The following COL27A1 variants were observed in gnomAD, a reference collection of about 807,000 sequenced individuals.
COL27A1 encodes collagen alpha-1(XXVII) chain.
A neutral mutation model predicts 251.3 loss-of-function variants in COL27A1; 106 were observed. The ratio of observed to expected loss-of-function variants is 0.42; its 90% CI spans 0.36 to 0.50. COL27A1 has a LOEUF of 0.50. COL27A1 is among the 20% of genes least tolerant of loss of function. The pLI, the probability that COL27A1 is intolerant of heterozygous loss-of-function variation, is 0.00. For missense variants in COL27A1, 2,325 were observed against 2,522.8 expected, an observed-to-expected ratio of 0.92 and a Z score of 1.68; for synonymous variants, 1,000 against 986.3, an observed-to-expected ratio of 1.01 and a Z score of -0.26.
At position 114,283,737 on chromosome 9, in the gene COL27A1, G is replaced by A. The variant is rs1836076644; in HGVS notation, c.3908G>A (p.Gly1303Glu). ...GCTCCGGGACGCATGGGGGCCCAAG[G>A]AGAACCGGGACTGGCTGGTTATGAT... ...TGAPGRMGAQ[G>E]EPGLAGYDGH... Residue 1303 changes from glycine to glutamate, a missense_variant, in exon 40 of 61, where the codon GGA becomes GAA. Gly to Glu is a moderately conservative substitution (Grantham distance 98). Coordinates refer to ENST00000356083, the MANE Select transcript of COL27A1 (RefSeq NM_032888.4). The A allele has an allele frequency of 6.2e-7, 1 of 1,614,126 alleles. No individual in the cohort carries two copies. Among genetic ancestry groups the A allele is most frequent in the Non-Finnish European group, 8.5e-7 (1 of 1,180,012 alleles).
intron 28 of COL27A1, among the ~76,000 whole-genome samples, chr9:114,262,164 C>T (rs1008085821): frequency 3.3e-5 from 5 of 152,218 alleles, no homozygotes; most frequent in Admixed American, 6.5e-5. Flanking sequence ...TGACCTGACA[C>T]GGCCCCACCC....
At chr9:114,267,393 C>A in intron 33 of COL27A1, 111 bp from the exon 34 acceptor site, 1 of 843,802 alleles carries the variant, frequency 1.2e-6, no homozygotes, top group African/African-American at 1.8e-5. Context: ...GCATCTCTTG[C>A]ACTGTGTGAC....
In COL27A1 at chr9:114,227,299, G is replaced by A. The variant is rs536925417; in HGVS notation, c.2467-3780G>A. On this transcript the variant is annotated intron_variant, in intron 14 of 60. Coordinates refer to ENST00000356083, the MANE Select transcript of COL27A1 (RefSeq NM_032888.4). The stretch of plus-strand genomic sequence containing the variant: ...CATGTGAGACATAGCAATAGGAAAG[G>A]CAACCTTGAGTGTTTTTTTTTTTTT... 3.5e-5 allele frequency among the ~76,000 whole-genome samples: 5 copies of A among 142,996 alleles called. No homozygotes were observed. The South Asian group carries it at 7.0e-4, about 20-fold the overall frequency. The allele number at this position is 142,996 out of a possible 152,430, so 93.8% of individuals were successfully genotyped here. A position where few individuals can be genotyped will look rare whatever the true frequency, so the allele number is the denominator to read the frequency against.
intron 56 of COL27A1, 78 bp downstream of exon 56, chr9:114,302,186 T>TAGCCACCAGGGCCAGAGAG: frequency 1.6e-6 from 2 of 1,214,398 alleles, no homozygotes; most frequent in Non-Finnish European, 2.4e-6. Flanking sequence ...TGGCCCTCTC[T>TAGCCACCAGGGCCAGAGAG]GGCCCTGGTG....
intron 3 of COL27A1, among the ~76,000 whole-genome samples, chr9:114,175,865 T>G (rs1222382989): frequency 6.6e-6 from 1 of 152,228 alleles, no homozygotes; most frequent in Admixed American, 6.5e-5. Flanking sequence ...ATCTCGCTTT[T>G]CCTCTTCACT....
In COL27A1 at chr9:114,264,950, G is replaced by C. The variant is rs140175927; in HGVS notation, c.3276G>C (p.Pro1092=). ...GCCCTCCAGGACCCCAGGGCAGACC[G>C]GGCCGGCCTGGACAGCAGGTATGTC... ...LKGPPGPQGR[P]GRPGQQGVAG... The change falls in exon 30 of 61, where the codon CCG becomes CCC. Residue 1092 remains proline (P), a synonymous_variant. Coordinates refer to ENST00000356083, the MANE Select transcript of COL27A1 (RefSeq NM_032888.4). 1.2e-6 allele frequency: 2 copies of C among 1,613,196 alleles called. No homozygotes were observed. The highest frequency in any genetic ancestry group is 1.3e-5 in the African/African-American group (1 of 75,038).
chr9:114,168,973 C>A lies in COL27A1; in HGVS notation c.1418C>A (p.Ser473Tyr). The change falls in exon 3 of 61, where the codon TCT (serine) becomes TAT (tyrosine). Residue 473 changes from serine to tyrosine, a missense_variant. Ser to Tyr is a moderately radical substitution (Grantham distance 144, BLOSUM62 -2). This residue lies in a region of COL27A1 where 1,183 missense variants were observed against 1,144.1 expected (regional missense o/e 1.03). Coordinates refer to ENST00000356083, the MANE Select transcript of COL27A1 (RefSeq NM_032888.4). ...KITSHASKPA[S>Y]ARTSTHKPPP... ...ACCAGCCATGCCAGTAAGCCGGCCTCTGCCCGCACCAGCACCCACAAACCT... is the reference window on the plus strand; with the variant it reads ...ACCAGCCATGCCAGTAAGCCGGCCTATGCCCGCACCAGCACCCACAAACCT... 6.2e-7 allele frequency: 1 copy of A among 1,614,180 alleles called. No homozygotes were observed. The highest frequency in any genetic ancestry group is 1.1e-5 in the South Asian group (1 of 91,082).
intron 27 of COL27A1, among the ~76,000 whole-genome samples, chr9:114,253,390 AAG>A (rs1330222235): frequency 7.5e-6 from 1 of 133,552 alleles, no homozygotes; most frequent in African/African-American, 3.0e-5. Context: ...AGAAAGAAAA[AAG>A]AAAGAGGAAA....
At chr9:114,252,767 G>A in intron 26 of COL27A1, 112 bp from the exon 27 acceptor site, 3 of 1,401,372 alleles carry the variant, frequency 2.1e-6, no homozygotes, top group Non-Finnish European at 3.0e-6. Context: ...CTTTGTCCAG[G>A]GGGCCTAGCT....
At position 114,290,241 on chromosome 9, in the gene COL27A1, A is replaced by T. The variant is rs1827818758; in HGVS notation, c.4278A>T (p.Pro1426=). 6.7e-7 allele frequency: 1 copy of T among 1,490,590 alleles called. No homozygotes were observed. Among genetic ancestry groups the T allele is most frequent in the Non-Finnish European group, 9.0e-7 (1 of 1,108,844 alleles). 92.3% of individuals were successfully genotyped at this position (1,490,590 alleles called of 1,614,324 possible). A position where few individuals can be genotyped will look rare whatever the true frequency, so the allele number is the denominator to read the frequency against. Residue 1426 remains proline, a synonymous_variant, in exon 47 of 61, where the codon CCA becomes CCT. Coordinates refer to ENST00000356083, the MANE Select transcript of COL27A1 (RefSeq NM_032888.4). The surrounding 1 kb of genome is among the most constrained non-coding windows in gnomAD (Gnocchi z 4.6). ...CCCCCCAGGGCCTGCAGGGGCTGCCAGGGCCCCGGGGCGTGGTGGGGAGAC... is the reference window on the plus strand; with the variant it reads ...CCCCCCAGGGCCTGCAGGGGCTGCCTGGGCCCCGGGGCGTGGTGGGGAGAC... The part of the protein sequence containing the change: ...RRGVQGLQGL[P]GPRGVVGRQG...
At chr9:114,231,707 C>T (rs1831966418) in intron 15 of COL27A1, 115 bp from the exon 16 acceptor site, 3 of 1,009,010 alleles carry the variant, frequency 3.0e-6, no homozygotes, top group Middle Eastern at 2.1e-4. Context: ...CAGATGTGAA[C>T]ACTGAGGTTG....
At position 114,311,713 on chromosome 9, in the gene COL27A1, G is replaced by A. The variant is rs1268320917; in HGVS notation, c.*1018G>A. 6.6e-6 allele frequency: 1 copy of A among 152,282 alleles called. No individual in the cohort carries two copies. Among genetic ancestry groups the A allele is most frequent in the Non-Finnish European group, 1.5e-5 (1 of 68,112 alleles). 9.4% of individuals were successfully genotyped at this position (152,282 alleles called of 1,614,324 possible). ...TGTTGGCTTGGCCCTTCACGGTCCT[G>A]GAGGGAGGTGAGGCTGGCCTTGGAA... On this transcript the variant is annotated 3_prime_UTR_variant, in exon 61 of 61. Coordinates refer to ENST00000356083, the MANE Select transcript of COL27A1 (RefSeq NM_032888.4).
chr9:114,233,109 A>G (rs933497470), intron 16 of COL27A1, among the ~76,000 whole-genome samples: 3 of 152,226 alleles, frequency 2.0e-5, no homozygotes, highest in Admixed American at 2.0e-4. Context: ...GCTGGTAAGT[A>G]GAAAGTTACC....
chr9:114,185,831 C>T (rs1828299324), intron 5 of COL27A1, among the ~76,000 whole-genome samples: 1 of 152,234 alleles, frequency 6.6e-6, no homozygotes, highest in African/African-American at 2.4e-5. Context: ...TGGATCAGCC[C>T]CATGCAGTCA....
chr9:114,266,460 A>C, intron 32 of COL27A1, 105 bp from the exon 33 acceptor site: 11 of 889,704 alleles, frequency 1.2e-5, no homozygotes, highest in Non-Finnish European at 1.8e-5. Context: ...GGTGTGCTTC[A>C]GAGTCCCCAG....
In COL27A1 at chr9:114,156,782, C is replaced by A. The variant is rs140838314; in HGVS notation, c.62+770C>A. Among the ~76,000 whole-genome samples, 712 of 152,150 alleles carry A rather than the reference C, an allele frequency of 4.7e-3. 4 individuals carry two copies. The highest frequency in any genetic ancestry group is 0.017 in the African/African-American group (690 of 41,510). On this transcript the variant is annotated intron_variant, in intron 1 of 60. Coordinates refer to ENST00000356083, the MANE Select transcript of COL27A1 (RefSeq NM_032888.4). Reference sequence around the variant, plus strand: ...GGGGCCCAGAGGCTGGGATTCCCAGCGTGTGGAGTAGGAGTTGTAAGAGAG... The same window carrying A: ...GGGGCCCAGAGGCTGGGATTCCCAGAGTGTGGAGTAGGAGTTGTAAGAGAG...
rs780521930 is a variant in COL27A1, at chr9:114,168,578, T to C, written c.1023T>C (p.Val341=). 3.7e-6 allele frequency: 6 copies of C among 1,613,960 alleles called. No individual in the cohort carries two copies. In the Admixed American group the frequency reaches 5.0e-5, roughly 13 times the overall value. Residue 341 remains valine (V), a synonymous_variant, in exon 3 of 61, where the codon GTT becomes GTC. Coordinates refer to ENST00000356083, the MANE Select transcript of COL27A1 (RefSeq NM_032888.4). ...TTGATCCCATGCTCCCAGCCTCTGT[T>C]GGCGGCTCTACCAGAACGCCTCGCC... The part of the protein sequence containing the change: ...NALDPMLPAS[V]GGSTRTPRPA...
At position 114,290,105 on chromosome 9, in the gene COL27A1, G is replaced by A. The variant is rs1193812382; in HGVS notation, c.4254G>A (p.Gly1418=). 1.2e-6 allele frequency: 2 copies of A among 1,611,678 alleles called. No individual in the cohort carries two copies. The highest frequency in any genetic ancestry group is 1.7e-5 in the Admixed American group (1 of 60,006). The part of the protein sequence containing the change: ...QGKAGAPGRR[G]VQGLQGLPGP... ...AGGCAGGGGCCCCAGGCCGGAGGGGGGTCCAGGTGAGTGACTACAGCTGCT... is the reference window on the plus strand; with the variant it reads ...AGGCAGGGGCCCCAGGCCGGAGGGGAGTCCAGGTGAGTGACTACAGCTGCT... Residue 1418 remains glycine (G), a synonymous_variant, in exon 46 of 61, where the codon GGG becomes GGA. Coordinates refer to ENST00000356083, the MANE Select transcript of COL27A1 (RefSeq NM_032888.4). This position sits in a 1 kb window ranked among gnomAD's most constrained non-coding sequence, Gnocchi z 4.6.
chr9:114,204,358 A>G (rs973428086), intron 7 of COL27A1, among the ~76,000 whole-genome samples: 1 of 152,102 alleles, frequency 6.6e-6, no homozygotes, highest in Non-Finnish European at 1.5e-5. Context: ...TCCTTTGGAG[A>G]CCTTACTCTT....
Sources: allele counts gnomAD v4.1 joint callset (sites outside exome capture counted in the v4.1 genomes callset), GRCh38; gene constraint gnomAD v4.1.1; regional missense constraint gnomAD v4.1.1; non-coding constraint Gnocchi (gnomAD v3.1); transcripts MANE v1.5; gene names NCBI Gene and HGNC (gene_info 2026-07-23, HGNC 2026-07-21).